CNTN3: variants seen among roughly 807,000 people sequenced by gnomAD.
CNTN3 encodes the protein contactin-3.
In CNTN3, 60 loss-of-function variants were observed where a neutral mutation model predicts 119.1. The ratio of observed to expected loss-of-function variants is 0.50; its 90% confidence interval spans 0.41 to 0.62. The LOEUF is 0.62. Ranked by LOEUF, CNTN3 falls within the 20% of genes least tolerant of loss-of-function variation. The pLI is 0.00. For synonymous variants in CNTN3, 450 were observed against 438.7 expected (o/e 1.03, Z -0.32); for missense variants, 1,101 against 1,242.4 (o/e 0.89, Z 1.71).
intron 1 of CNTN3, among the ~76,000 whole-genome samples, chr3:74,569,507 G>C (rs750767366): frequency 6.6e-6 from 1 of 152,086 alleles, no homozygotes; most frequent in Non-Finnish European, 1.5e-5. Context: ...GTTTCTCTTG[G>C]GAGAGAAAGC....
At chr3:74,606,029 T>G (rs1704986163) in intron 1 of CNTN3, among the ~76,000 whole-genome samples, 1 of 152,120 alleles carries the variant, frequency 6.6e-6, no homozygotes, top group African/African-American at 2.4e-5. Context: ...ATTCCCATCC[T>G]GCCCTCTCCC....
At chr3:74,588,825 T>C (rs1704646004) in intron 1 of CNTN3, among the ~76,000 whole-genome samples, 1 of 152,168 alleles carries the variant, frequency 6.6e-6, no homozygotes, top group Admixed American at 6.6e-5. Flanking sequence ...ATCTGATCTT[T>C]GACAAATCTG....
intron 2 of CNTN3, among the ~76,000 whole-genome samples, chr3:74,500,305 G>T (rs1703144393): frequency 6.6e-6 from 1 of 151,920 alleles, no homozygotes; most frequent in African/African-American, 2.4e-5. Context: ...GCACTGAACA[G>T]GCGTCTTTTT....
intron 1 of CNTN3, among the ~76,000 whole-genome samples, chr3:74,540,874 A>C (rs960723297): frequency 6.6e-6 from 1 of 152,200 alleles, no homozygotes; most frequent in African/African-American, 2.4e-5. Flanking sequence ...ATACACAGGC[A>C]GTATATTTAA....
intron 5 of CNTN3, among the ~76,000 whole-genome samples, chr3:74,394,800 A>G (rs1194144373): frequency 8.8e-6 from 1 of 113,160 alleles, no homozygotes; most frequent in Non-Finnish European, 1.8e-5. Context: ...CTCATTATTA[A>G]TGACTTTTAA....
chr3:74,364,447 G>A lies in CNTN3; in HGVS notation c.1213+20C>T, dbSNP rs756018166. The A allele has an allele frequency of 6.2e-7, 1 of 1,602,876 alleles. No individual in the cohort carries two copies. Among genetic ancestry groups the A allele is most frequent in the South Asian group, 1.1e-5 (1 of 89,758 alleles). On this transcript the variant is annotated intron_variant, in intron 10 of 22. Transcript: ENST00000263665. ...TTTAAGACAAAAAATTAAGAGAAGA[G>A]CAGAGAAAATCAGCCTTACCAACAA... is the stretch of plus-strand genomic sequence containing the variant.
chr3:74,601,355 AAACT>A (rs962704478), intron 1 of CNTN3, among the ~76,000 whole-genome samples: 47 of 152,252 alleles, frequency 3.1e-4, no homozygotes, highest in African/African-American at 1.1e-3. Context: ...CTACTAGACA[AAACT>A]AACTGATACT....
chr3:74,333,928 C>A (rs902745911), intron 13 of CNTN3, among the ~76,000 whole-genome samples: 5 of 152,084 alleles, frequency 3.3e-5, no homozygotes, highest in Non-Finnish European at 7.4e-5. Context: ...GACCTCTTTA[C>A]CAAAAGAATG....
At chr3:74,605,623 C>T (rs889258214) in intron 1 of CNTN3, among the ~76,000 whole-genome samples, 2 of 152,102 alleles carry the variant, frequency 1.3e-5, no homozygotes, top group Non-Finnish European at 2.9e-5. Flanking sequence ...CTGATGGCCT[C>T]ACTCACATCA....
chr3:74,282,348 C>T (rs1702030019), intron 20 of CNTN3, among the ~76,000 whole-genome samples: 1 of 152,128 alleles, frequency 6.6e-6, no homozygotes, highest in Non-Finnish European at 1.5e-5. Context: ...GAAACTTGCA[C>T]ATTTTAAGTG....
At chr3:74,330,127 G>A (rs1002768543) in intron 13 of CNTN3, among the ~76,000 whole-genome samples, 6 of 152,194 alleles carry the variant, frequency 3.9e-5, no homozygotes, top group East Asian at 1.9e-4. Context: ...AGGCCAAGAC[G>A]GGCAGATCAC....
chr3:74,420,350 A>G (rs1701597267), intron 5 of CNTN3, among the ~76,000 whole-genome samples: 1 of 152,198 alleles, frequency 6.6e-6, no homozygotes. Flanking sequence ...AGGAAATATG[A>G]TTAACATATG....
intron 19 of CNTN3, among the ~76,000 whole-genome samples, chr3:74,292,857 T>G (rs1702261051): frequency 6.6e-6 from 1 of 152,220 alleles, no homozygotes; most frequent in Non-Finnish European, 1.5e-5. Context: ...CCACTGCCAG[T>G]TCTTTAACCA....
rs372060917 is a variant in CNTN3 at position 74,443,518 on chromosome 3, G to A, written c.359-18578C>T. Among the ~76,000 whole-genome samples the A allele has an allele frequency of 6.6e-5, 10 of 151,996 alleles. No homozygotes were observed. In the South Asian group the frequency reaches 1.9e-3, roughly 28 times the overall value. On this transcript the variant is annotated intron_variant, in intron 4 of 22. Transcript: ENST00000263665. ...CCTTAAGATGAACCCAAACTCTTTC[G>A]CATGGCTGATGTGGTTTAGAATGAT...
chr3:74,547,097 A>G (rs1351834914), intron 1 of CNTN3, among the ~76,000 whole-genome samples: 1 of 152,168 alleles, frequency 6.6e-6, no homozygotes, highest in Non-Finnish European at 1.5e-5. Flanking sequence ...AATTTTCCCT[A>G]ATTTTATTAA....
rs768040835 is a variant in CNTN3, at chr3:74,295,118, T to G, written c.2517+3A>C. 2 of 1,576,714 alleles carry G rather than the reference T, an allele frequency of 1.3e-6. No individual in the cohort carries two copies. The highest frequency in any genetic ancestry group is 1.7e-6 in the Non-Finnish European group (2 of 1,147,016). The stretch of plus-strand genomic sequence containing the variant: ...TACACAATTTAATCGGAAAAGAAAT[T>G]ACCTCATAGCCCAGTAAATGTCCAT... On this transcript the variant is annotated splice_donor_region_variant and intron_variant, in intron 19 of 22. Coordinates refer to ENST00000263665, the MANE Select transcript of CNTN3 (RefSeq NM_020872.3).
chr3:74,525,351 T>C (rs914894585), intron 1 of CNTN3, among the ~76,000 whole-genome samples: 2 of 151,936 alleles, frequency 1.3e-5, no homozygotes, highest in Non-Finnish European at 2.9e-5. Context: ...TTTTAAATTA[T>C]GTTGCTTATT....
At chr3:74,472,380 A>G (rs1306467283) in intron 4 of CNTN3, among the ~76,000 whole-genome samples, 1 of 152,208 alleles carries the variant, frequency 6.6e-6, no homozygotes, top group Non-Finnish European at 1.5e-5. Context: ...TAGCAAGTCC[A>G]GTGAAAATTT....
chr3:74,520,745 G>GA (rs930870920), intron 2 of CNTN3, among the ~76,000 whole-genome samples: 3 of 149,894 alleles, frequency 2.0e-5, no homozygotes, highest in African/African-American at 7.4e-5. Flanking sequence ...AGTTCCTTTG[G>GA]AAAAAAAATG....
Sources: allele counts gnomAD v4.1 joint callset (sites outside exome capture counted in the v4.1 genomes callset), GRCh38; gene constraint gnomAD v4.1.1; transcripts MANE v1.5; gene names NCBI Gene and HGNC (gene_info 2026-07-23, HGNC 2026-07-21).